TNRC6A: variants seen among roughly 807,000 people sequenced by gnomAD.
TNRC6A encodes trinucleotide repeat containing adaptor 6A.
In TNRC6A, 44 loss-of-function variants were observed where a neutral mutation model predicts 221.2. The ratio of observed to expected loss-of-function variants is 0.20; its 90% CI spans 0.16 to 0.26. The LOEUF (loss-of-function observed/expected upper bound fraction) is 0.26. TNRC6A is among the 10% of genes least tolerant of loss of function. The pLI is 1.00. For missense variants in TNRC6A, 2,199 were observed against 2,404.4 expected (o/e 0.91, Z 1.79); for synonymous variants, 847 against 838.5 (o/e 1.01, Z -0.18).
chr16:24,815,019 T>G, intron 18 of TNRC6A, 128 bp from the exon 19 acceptor site: 1 of 957,270 alleles, frequency 1.0e-6, no homozygotes, highest in Non-Finnish European at 1.5e-6. Context: ...TATAAAAGAG[T>G]TACTCTAGAG....
chr16:24,810,488 TA>T (rs1352631304), intron 18 of TNRC6A, among the ~76,000 whole-genome samples: 1 of 152,222 alleles, frequency 6.6e-6, no homozygotes, highest in East Asian at 1.9e-4. Flanking sequence ...AATAGTTTAA[TA>T]ATACCAAGTT....
rs2058828727 is a variant in TNRC6A at position 24,824,138 on chromosome 16, G to GCC, written c.*334_*335dup. The GCC allele has an allele frequency of 2.3e-5, 1 of 42,604 alleles. No individual in the cohort carries two copies. Among genetic ancestry groups the GCC allele is most frequent in the African/African-American group, 1.8e-4 (1 of 5,630 alleles). 2.6% of individuals were successfully genotyped at this position (42,604 alleles called of 1,614,324 possible). On this transcript the variant is annotated 3_prime_UTR_variant, in exon 25 of 25. Coordinates refer to ENST00000395799, the MANE Select transcript of TNRC6A (RefSeq NM_014494.4). ...CTATTCCTCCCCAACCCCCCCCCCC[G>GCC]CCCCTTTTTTTCTCTCTTGCAAAAC... is the stretch of plus-strand genomic sequence containing the variant.
rs1596558316 is a variant in TNRC6A, at chr16:24,729,676, C to T, written c.-166C>T. 5.7e-6 allele frequency: 4 copies of T among 699,030 alleles called. No individual in the cohort carries two copies. The highest frequency in any genetic ancestry group is 2.2e-5 in the African/African-American group (1 of 45,634). 43.3% of individuals were successfully genotyped at this position (699,030 alleles called of 1,614,324 possible). A position where few individuals can be genotyped will look rare whatever the true frequency, so the allele number is the denominator to read the frequency against. On this transcript the variant is annotated 5_prime_UTR_variant, in exon 1 of 25. Coordinates refer to ENST00000395799, the MANE Select transcript of TNRC6A (RefSeq NM_014494.4). ...ACTTCCGGTCTGGGGCCTGCGGCGGCGGCGGTGTCGGCGGCGGCGGCGGCG... is the reference window on the plus strand; with the variant it reads ...ACTTCCGGTCTGGGGCCTGCGGCGGTGGCGGTGTCGGCGGCGGCGGCGGCG...
chr16:24,774,188 A>G (rs2057673112), intron 4 of TNRC6A, among the ~76,000 whole-genome samples: 1 of 152,210 alleles, frequency 6.6e-6, no homozygotes, highest in African/African-American at 2.4e-5. Flanking sequence ...CCATGCCAGT[A>G]TTAGTCAGTA....
At chr16:24,679,616 A>C (rs1371658431) in intron 2 of TNRC6A, among the ~76,000 whole-genome samples, 1 of 152,134 alleles carries the variant, frequency 6.6e-6, no homozygotes, top group Non-Finnish European at 1.5e-5. Context: ...AGCTGGGACT[A>C]CAGGCACACG....
At chr16:24,634,814 T>G (rs560371154) in intron 1 of TNRC6A, among the ~76,000 whole-genome samples, 1 of 152,374 alleles carries the variant, frequency 6.6e-6, no homozygotes, top group East Asian at 1.9e-4. Context: ...CATGGTTCAG[T>G]GGCACCTGGC....
intron 9 of TNRC6A, among the ~76,000 whole-genome samples, chr16:24,797,068 A>T (rs866349206): frequency 6.6e-6 from 1 of 152,232 alleles, no homozygotes; most frequent in Admixed American, 6.5e-5. Flanking sequence ...TAATTAAATT[A>T]GGGGTTAAGT....
chr16:24,651,821 G>C (rs1042808435), intron 2 of TNRC6A, among the ~76,000 whole-genome samples: 4 of 151,448 alleles, frequency 2.6e-5, no homozygotes, highest in Admixed American at 2.6e-4. Context: ...TGTACAATGT[G>C]ATGTCATTTT....
At chr16:24,721,082 G>A (rs889444695) in intron 2 of TNRC6A, among the ~76,000 whole-genome samples, 1 of 152,110 alleles carries the variant, frequency 6.6e-6, no homozygotes, top group Admixed American at 6.5e-5. Context: ...TATGGAGAAC[G>A]GTGTTGATGG....
At chr16:24,759,209 T>A (rs72768678) in intron 4 of TNRC6A, among the ~76,000 whole-genome samples, 2 of 104,992 alleles carry the variant, frequency 1.9e-5, no homozygotes. Flanking sequence ...GCAGTGGTGG[T>A]ATTCCTAGAG....
At chr16:24,818,365 CAG>C (rs1042330147) in intron 20 of TNRC6A, among the ~76,000 whole-genome samples, 2 of 152,114 alleles carry the variant, frequency 1.3e-5, no homozygotes, top group African/African-American at 4.8e-5. Context: ...AGGACAAAAT[CAG>C]AGGGAAAATG....
chr16:24,663,879 A>G, intron 2 of TNRC6A: 1 of 455,924 alleles, frequency 2.2e-6, no homozygotes, highest in East Asian at 6.9e-5. Context: ...CCCCAGATAT[A>G]CAGAAGCCCT....
At chr16:24,781,599 C>T (rs2057847508) in intron 5 of TNRC6A, among the ~76,000 whole-genome samples, 1 of 152,142 alleles carries the variant, frequency 6.6e-6, no homozygotes, top group African/African-American at 2.4e-5. Context: ...TTTAGGTCCT[C>T]TTCTGGAAGT....
chr16:24,814,533 C>T (rs1358318845), intron 18 of TNRC6A, among the ~76,000 whole-genome samples: 1 of 151,250 alleles, frequency 6.6e-6, no homozygotes, highest in Non-Finnish European at 1.5e-5. Context: ...TTCAGCCTCC[C>T]AAGTAGCTGT....
chr16:24,770,798 A>G (rs1335353525), intron 4 of TNRC6A, among the ~76,000 whole-genome samples: 2 of 152,168 alleles, frequency 1.3e-5, no homozygotes, highest in Non-Finnish European at 2.9e-5. Context: ...CCAGAACCAT[A>G]TATTCAGTTG....
intron 2 of TNRC6A, among the ~76,000 whole-genome samples, chr16:24,695,207 G>C (rs1447810861): frequency 1.3e-5 from 2 of 152,080 alleles, no homozygotes; most frequent in Non-Finnish European, 2.9e-5. Context: ...GGGGAGTGAG[G>C]TCAGGCAGCG....
intron 1 of TNRC6A, among the ~76,000 whole-genome samples, chr16:24,626,038 AGG>A (rs1281201696): frequency 2.6e-5 from 4 of 152,154 alleles, no homozygotes; most frequent in Admixed American, 1.3e-4. Context: ...TTATAGATTC[AGG>A]GGTTACATGT....
rs574519656 is a variant in TNRC6A, at chr16:24,638,731, A to T, written n.277-2153A>T. 2.0e-5 allele frequency among the ~76,000 whole-genome samples: 3 copies of T among 152,234 alleles called. No individual in the cohort carries two copies. The South Asian group carries it at 6.2e-4, about 32-fold the overall frequency. On this transcript the variant is annotated intron_variant and non_coding_transcript_variant, in intron 1 of 2. Coordinates refer to the TNRC6A transcript ENST00000566108. ...GTCTCAAAAAAAAAAACAAAAAACA[A>T]AAAACAAAACCTCAGATGAATCCCT... is the stretch of plus-strand genomic sequence containing the variant.
chr16:24,815,024 C>T (rs1461523797), intron 18 of TNRC6A, 123 bp from the exon 19 acceptor site: 1 of 1,054,130 alleles, frequency 9.5e-7, no homozygotes, highest in Non-Finnish European at 1.4e-6. Context: ...AAGAGTTACT[C>T]TAGAGAACAC....
Sources: gnomAD v4.1 joint callset for allele counts (sites outside exome capture counted in the v4.1 genomes callset) on GRCh38, gnomAD v4.1.1 for gene constraint, MANE v1.5 for transcripts, NCBI Gene and HGNC (gene_info 2026-07-23, HGNC 2026-07-21) for gene names.